SYT16: variants seen among roughly 807,000 people sequenced by gnomAD.
SYT16 encodes the protein synaptotagmin 16, also known as synaptotagmin-16.
SYT16 carries 42 observed loss-of-function variants against 61.4 expected under a neutral mutation model. The observed-to-expected ratio is 0.68, with a 90% confidence interval of 0.53 to 0.89. The LOEUF is 0.89. SYT16 is among the 40% of genes least tolerant of loss of function. The pLI is 0.00. For missense variants in SYT16, 804 were observed against 807.3 expected (o/e 1.00, Z 0.05); for synonymous variants, 314 against 302.3 (o/e 1.04, Z -0.40).
At position 62,111,603 on chromosome 14, in the gene SYT16, G is replaced by A. The variant is rs185771407; in HGVS notation, c.*10896G>A. 1 of 152,188 alleles carries A rather than the reference G, an allele frequency of 6.6e-6. No individual in the cohort carries two copies. The highest frequency in any genetic ancestry group is 2.4e-5 in the African/African-American group (1 of 41,562). 9.4% of individuals were successfully genotyped at this position (152,188 alleles called of 1,614,324 possible). ...CCTCTAGATTTCTAAGTCACTAGAA[G>A]AATTTCTTGGCAAATTGATTGTTCA... On this transcript the variant is annotated 3_prime_UTR_variant, in exon 8 of 8. Coordinates refer to ENST00000683842, the MANE Select transcript of SYT16 (RefSeq NM_001367656.1).
chr14:62,069,753 CA>C lies in SYT16; in HGVS notation c.678del (p.Lys226AsnfsTer7). 1 of 1,613,962 alleles carries C rather than the reference CA, an allele frequency of 6.2e-7. No homozygotes were observed. Among genetic ancestry groups the C allele is most frequent in the Non-Finnish European group, 8.5e-7 (1 of 1,179,886 alleles). On this transcript the variant is annotated frameshift_variant, in exon 4 of 8. Coordinates refer to ENST00000683842, the MANE Select transcript of SYT16 (RefSeq NM_001367656.1). LOFTEE classifies it high-confidence loss of function. The stretch of plus-strand genomic sequence containing the variant: ...AAGCAGACAGGATTGGAGCAGAAAC[CA>C]AAATTCAGCCGTTCGTTGTTGACAC... ...KGKQTGLEQKPKFSRSLLTHG... is the reference protein window; with the variant it reads ...KGKQTGLEQKXKFSRSLLTHG...
At chr14:62,075,112 T>C in intron 4 of SYT16, 23 bp from the exon 5 acceptor site, 3 of 1,580,362 alleles carry the variant, frequency 1.9e-6, no homozygotes, top group South Asian at 2.3e-5. Context: ...GCATTTGAAA[T>C]GGTTTTCTTA....
At chr14:61,977,999 A>G (rs183664675) in intron 2 of SYT16, among the ~76,000 whole-genome samples, 1 of 151,994 alleles carries the variant, frequency 6.6e-6, no homozygotes, top group Admixed American at 6.5e-5. Flanking sequence ...CATCCTTGGC[A>G]TTCTTTGTCT....
chr14:61,947,806 G>T (rs1267328306), intron 1 of SYT16, among the ~76,000 whole-genome samples: 1 of 152,194 alleles, frequency 6.6e-6, no homozygotes, highest in African/African-American at 2.4e-5. Context: ...CAAGCATTGT[G>T]CAAAGGGTGC....
chr14:61,882,839 T>C (rs574913241), intron 1 of SYT16, among the ~76,000 whole-genome samples: 1 of 152,340 alleles, frequency 6.6e-6, no homozygotes, highest in African/African-American at 2.4e-5. Context: ...ATAAGATACA[T>C]TGGCAAAAAC....
intron 2 of SYT16, among the ~76,000 whole-genome samples, chr14:61,973,975 G>C (rs759627992): frequency 1.1e-4 from 16 of 152,286 alleles, no homozygotes; most frequent in South Asian, 2.1e-4. Context: ...CACGCCCGAA[G>C]AAGAGTCAGA....
intron 3 of SYT16, among the ~76,000 whole-genome samples, chr14:62,066,826 T>A (rs1338093054): frequency 1.3e-5 from 2 of 152,232 alleles, no homozygotes; most frequent in Non-Finnish European, 2.9e-5. Flanking sequence ...GATGTGCTCC[T>A]CGCCCTCATG....
Position 61,933,352 on chromosome 14 carries a change from T to G in SYT16, c.-324-36780T>G, listed in dbSNP as rs550330176. 7.2e-5 allele frequency among the ~76,000 whole-genome samples: 11 copies of G among 152,290 alleles called. No individual in the cohort carries two copies. The South Asian group carries it at 2.1e-3, about 29-fold the overall frequency. On this transcript the variant is annotated intron_variant, in intron 1 of 7. Coordinates refer to ENST00000683842, the MANE Select transcript of SYT16 (RefSeq NM_001367656.1). Reference sequence around the variant, plus strand: ...GAGGTCTCACTTAGTGTCCCTAAAATTACAAAATAAAATCAGTGAAAGTTG... The same window carrying G: ...GAGGTCTCACTTAGTGTCCCTAAAAGTACAAAATAAAATCAGTGAAAGTTG...
At chr14:62,077,295 G>A (rs2056530699) in intron 5 of SYT16, among the ~76,000 whole-genome samples, 1 of 152,208 alleles carries the variant, frequency 6.6e-6, no homozygotes, top group Admixed American at 6.5e-5. Flanking sequence ...TCATCTTAAG[G>A]AAAAGCCCAG....
chr14:61,934,826 A>G (rs146037166), intron 1 of SYT16, among the ~76,000 whole-genome samples: 58 of 152,320 alleles, frequency 3.8e-4, no homozygotes, highest in Non-Finnish European at 7.2e-4. Flanking sequence ...TCTCTGTTTA[A>G]TTCATTTGTA....
chr14:62,030,519 C>T (rs573763835), intron 3 of SYT16, among the ~76,000 whole-genome samples: 1 of 152,292 alleles, frequency 6.6e-6, no homozygotes, highest in South Asian at 2.1e-4. Context: ...TACACCAGTC[C>T]AAATCCCATC....
chr14:62,024,057 TC>T (rs1652138920), intron 3 of SYT16, among the ~76,000 whole-genome samples: 1 of 152,124 alleles, frequency 6.6e-6, no homozygotes, highest in Non-Finnish European at 1.5e-5. Context: ...CTGAATTTTT[TC>T]CTGTTACCCT....
At chr14:61,976,479 A>G (rs2051808564) in intron 2 of SYT16, among the ~76,000 whole-genome samples, 1 of 152,142 alleles carries the variant, frequency 6.6e-6, no homozygotes, top group Non-Finnish European at 1.5e-5. Flanking sequence ...CTGGACATCC[A>G]CACATTTTCA....
chr14:61,974,929 C>G (rs1252433255), intron 2 of SYT16, among the ~76,000 whole-genome samples: 2 of 152,248 alleles, frequency 1.3e-5, no homozygotes, highest in Non-Finnish European at 2.9e-5. Flanking sequence ...TTACTCTCTG[C>G]TCTCTACCTG....
At chr14:62,072,843 C>T (rs2056348929) in intron 4 of SYT16, among the ~76,000 whole-genome samples, 1 of 152,016 alleles carries the variant, frequency 6.6e-6, no homozygotes, top group Non-Finnish European at 1.5e-5. Context: ...GGGTTTTATT[C>T]CATCAAAGTG....
At chr14:61,962,232 A>G (rs1349475986) in intron 1 of SYT16, among the ~76,000 whole-genome samples, 1 of 152,112 alleles carries the variant, frequency 6.6e-6, no homozygotes, top group African/African-American at 2.4e-5. Context: ...CAATTTAGCT[A>G]TATAAAAAAC....
At chr14:62,098,940 C>T (rs565264877) in intron 7 of SYT16, among the ~76,000 whole-genome samples, 1 of 152,100 alleles carries the variant, frequency 6.6e-6, no homozygotes, top group East Asian at 1.9e-4. Flanking sequence ...TCATATGAGG[C>T]TGAGTATTAG....
chr14:61,984,969 C>T (rs563199483), intron 2 of SYT16, among the ~76,000 whole-genome samples: 1 of 152,242 alleles, frequency 6.6e-6, no homozygotes, highest in African/African-American at 2.4e-5. Context: ...ACCTGAGAGA[C>T]ATCATGTACC....
intron 1 of SYT16, among the ~76,000 whole-genome samples, chr14:61,938,236 G>A (rs2050067671): frequency 6.6e-6 from 1 of 152,162 alleles, no homozygotes; most frequent in East Asian, 1.9e-4. Flanking sequence ...CTTCCCTGGT[G>A]TTTATTGAAT....
Sources: gnomAD v4.1 joint callset for allele counts (sites outside exome capture counted in the v4.1 genomes callset) on GRCh38, gnomAD v4.1.1 for gene constraint, MANE v1.5 for transcripts, NCBI Gene and HGNC (gene_info 2026-07-23, HGNC 2026-07-21) for gene names.